The following SPTAN1 variants were observed in gnomAD, a reference collection of about 807,000 sequenced individuals.
SPTAN1 encodes spectrin alpha, non-erythrocytic 1, also known as spectrin alpha chain, non-erythrocytic 1.
A neutral mutation model predicts 331.3 loss-of-function variants in SPTAN1; 61 were observed. The observed-to-expected ratio is 0.18, with a 90% CI of 0.15 to 0.23. The LOEUF (loss-of-function observed/expected upper bound fraction) is 0.23. SPTAN1 is among the 10% of genes least tolerant of loss of function. The probability of loss-of-function intolerance (pLI) is 1.00; values close to 1 mark genes in which losing one functional copy is unlikely to be tolerated. For missense variants in SPTAN1, 2,043 were observed against 3,147.9 expected (o/e 0.65, Z 8.40); for synonymous variants, 1,153 against 1,173.9 (o/e 0.98, Z 0.36).
rs1176851202 is a variant in SPTAN1, at chr9:128,607,633, G to A, written c.4076G>A (p.Arg1359Gln). ...CTCATGTCTTGGATCAATGGAATAC[G>A]GGGGTTGGTGTCCTCAGATGAGCTA... ...RDLMSWINGI[R>Q]GLVSSDELAK... The change falls in exon 32 of 57, where the codon CGG (arginine) becomes CAG (glutamine). Residue 1359 changes from arginine to glutamine, a missense_variant. This residue lies in a region of SPTAN1 where 179 missense variants were observed against 215.7 expected (regional missense o/e 0.83). Transcript: ENST00000372739. 5.0e-6 allele frequency: 8 copies of A among 1,613,902 alleles called. No individual in the cohort carries two copies. In the Admixed American group the frequency reaches 5.0e-5, roughly 10 times the overall value.
In SPTAN1 at chr9:128,603,938, C is replaced by G. The variant is rs188698554; in HGVS notation, c.3627+348C>G. On this transcript the variant is annotated intron_variant, in intron 28 of 56. Coordinates refer to ENST00000372739, the MANE Select transcript of SPTAN1 (RefSeq NM_001130438.3). The stretch of plus-strand genomic sequence containing the variant: ...GGCGTGTCGGCTCTTCCCAGGCCTG[C>G]TCTGGCCTGAGAGTCTGCTGATTGG... 8.5e-5 allele frequency among the ~76,000 whole-genome samples: 13 copies of G among 152,364 alleles called. No individual in the cohort carries two copies. In the East Asian group the frequency reaches 1.9e-3, roughly 23 times the overall value.
intron 49 of SPTAN1, 50 bp downstream of exon 49, chr9:128,626,737 C>T: frequency 6.5e-7 from 1 of 1,549,316 alleles, no homozygotes; most frequent in Non-Finnish European, 8.7e-7. Context: ...AGAGCCCTCT[C>T]TGGGCCCTGC....
At chr9:128,623,659 A>G in intron 45 of SPTAN1, among the ~76,000 whole-genome samples, 1 of 143,500 alleles carries the variant, frequency 7.0e-6, no homozygotes, top group Admixed American at 7.1e-5. Flanking sequence ...TTTTTAGAAG[A>G]GACAGGGTTT....
Position 128,577,565 on chromosome 9 carries a change from A to T in SPTAN1, c.1085+59A>T. On this transcript the variant is annotated intron_variant, in intron 8 of 56. Coordinates refer to ENST00000372739, the MANE Select transcript of SPTAN1 (RefSeq NM_001130438.3). This position sits in a 1 kb window ranked among gnomAD's most constrained non-coding sequence, Gnocchi z 4.2. ...ATTTGGCTTCTTTTTTGGAAGCAGG[A>T]ATAGCAGAGTTAAGGGTCTGTTCTG... 1 of 1,606,930 alleles carries T rather than the reference A, an allele frequency of 6.2e-7. No homozygotes were observed. The highest frequency in any genetic ancestry group is 8.5e-7 in the Non-Finnish European group (1 of 1,176,482).
In SPTAN1 at chr9:128,584,105, A is replaced by G; in HGVS notation, c.2193+136A>G. On this transcript the variant is annotated intron_variant, in intron 16 of 56. Coordinates refer to ENST00000372739, the MANE Select transcript of SPTAN1 (RefSeq NM_001130438.3). ...ATTTTCTTAGATCGCTCTGTGCTGC[A>G]TGTGCTTCTGCTCAAATTAAATATC... 5.6e-6 allele frequency: 8 copies of G among 1,431,688 alleles called. No homozygotes were observed. The South Asian group carries it at 7.1e-5, about 13-fold the overall frequency. The allele number at this position is 1,431,688 out of a possible 1,614,324, so 88.7% of individuals were successfully genotyped here. A position where few individuals can be genotyped will look rare whatever the true frequency, so the allele number is the denominator to read the frequency against.
intron 22 of SPTAN1, among the ~76,000 whole-genome samples, chr9:128,592,235 C>T (rs1405923491): frequency 3.3e-5 from 5 of 150,926 alleles, no homozygotes; most frequent in Non-Finnish European, 5.9e-5. Flanking sequence ...TTTATAGATT[C>T]TGTTACTATA....
intron 39 of SPTAN1, 87 bp downstream of exon 39, chr9:128,612,333 A>C (rs1856660620): frequency 6.4e-7 from 1 of 1,562,188 alleles, no homozygotes. Context: ...AACCACGAAA[A>C]GGCAGGGCTC....
chr9:128,581,036 G>A lies in SPTAN1; in HGVS notation c.1438G>A (p.Asp480Asn). ...CTTCTACCGGGACACTGAGCAGGTG[G>A]ACAACTGGATGAGCAAGCAGGAGGT... ...QLFYRDTEQV[D>N]NWMSKQEAFL... The change falls in exon 11 of 57, where the codon GAC becomes AAC. Residue 480 changes from aspartate (D) to asparagine (N), a missense_variant. Around this residue, in one of 12 missense-constraint regions of SPTAN1, gnomAD observed 1,038 missense variants for 1,531.5 expected, o/e 0.68. Coordinates refer to ENST00000372739, the MANE Select transcript of SPTAN1 (RefSeq NM_001130438.3). The A allele has an allele frequency of 6.2e-7, 1 of 1,614,110 alleles. No individual in the cohort carries two copies. The highest frequency in any genetic ancestry group is 8.5e-7 in the Non-Finnish European group (1 of 1,180,030).
intron 45 of SPTAN1, 135 bp downstream of exon 45, chr9:128,621,391 A>G (rs1857831769): frequency 6.7e-6 from 5 of 741,710 alleles, no homozygotes; most frequent in African/African-American, 1.7e-5. Context: ...CAGCAATTCC[A>G]TTCCTGTGTT....
chr9:128,555,545 G>T, intron 1 of SPTAN1: 2 of 466,192 alleles, frequency 4.3e-6, no homozygotes, highest in Non-Finnish European at 6.4e-6. Context: ...AAACAAATTG[G>T]TTAGGATTTG....
At chr9:128,604,655 G>T (rs935349527) in intron 29 of SPTAN1, among the ~76,000 whole-genome samples, 4 of 152,234 alleles carry the variant, frequency 2.6e-5, no homozygotes, top group Non-Finnish European at 4.4e-5. Context: ...TTTTAGGCTG[G>T]GCGTGGTGGC....
At chr9:128,587,819 T>G in intron 20 of SPTAN1, 121 bp downstream of exon 20, 1 of 757,574 alleles carries the variant, frequency 1.3e-6, no homozygotes, top group Non-Finnish European at 2.3e-6. Context: ...GACACAAAGA[T>G]TTACAGAGTT....
Position 128,598,411 on chromosome 9 carries a change from C to T in SPTAN1, c.3426C>T (p.Ala1142=). 1.2e-6 allele frequency: 2 copies of T among 1,612,890 alleles called. No homozygotes were observed. Among genetic ancestry groups the T allele is most frequent in the East Asian group, 4.5e-5 (2 of 44,868 alleles). ...CTTTTGCTTTAAAGGACCTGAAGGC[C>T]AATGAGTCACGGTTGAAGGACATTA... ...KFDDFQKDLK[A]NESRLKDINK... is the part of the protein sequence containing the mutation. Residue 1142 remains alanine (A), a synonymous_variant, in exon 25 of 57, where the codon GCC becomes GCT. Coordinates refer to ENST00000372739, the MANE Select transcript of SPTAN1 (RefSeq NM_001130438.3).
At chr9:128,575,463 C>CA (rs1192061609) in intron 5 of SPTAN1, 118 bp downstream of exon 5, 1 of 1,152,796 alleles carries the variant, frequency 8.7e-7, no homozygotes. Context: ...TTTTTGTAAG[C>CA]ATGTCTGAGA....
intron 1 of SPTAN1, among the ~76,000 whole-genome samples, chr9:128,562,606 A>T (rs1197454694): frequency 6.6e-6 from 1 of 152,206 alleles, no homozygotes; most frequent in African/African-American, 2.4e-5. Context: ...AAATGTGATT[A>T]TAGTGATCCT....
Position 128,609,247 on chromosome 9 carries a change from C to A in SPTAN1, c.4721C>A (p.Ala1574Glu), listed in dbSNP as rs779393978. 6.2e-7 allele frequency: 1 copy of A among 1,614,048 alleles called. No homozygotes were observed. The highest frequency in any genetic ancestry group is 1.3e-5 in the African/African-American group (1 of 74,916). ...EAWISEKLQT[A>E]SDESYKDPTN... The stretch of plus-strand genomic sequence containing the variant: ...TGGATCAGTGAAAAATTGCAAACAG[C>A]GAGTGATGAGTCGTACAAGGATCCC... Residue 1574 changes from alanine to glutamate, a missense_variant, in exon 36 of 57, where the codon GCG (alanine) becomes GAG (glutamate). This residue lies in a region of SPTAN1 where 323 missense variants were observed against 581.1 expected (regional missense o/e 0.56). Coordinates refer to ENST00000372739, the MANE Select transcript of SPTAN1 (RefSeq NM_001130438.3).
At chr9:128,557,173 A>G (rs1197031246) in intron 1 of SPTAN1, among the ~76,000 whole-genome samples, 3 of 152,356 alleles carry the variant, frequency 2.0e-5, no homozygotes, top group Admixed American at 1.3e-4. Context: ...GTTAGTCCCT[A>G]AAAATCCCTT....
At chr9:128,603,715 T>G (rs1589291055) in intron 28 of SPTAN1, 125 bp downstream of exon 28, 1 of 1,172,526 alleles carries the variant, frequency 8.5e-7, no homozygotes, top group Non-Finnish European at 1.3e-6. Flanking sequence ...CTCTATTGGG[T>G]CCAAGCATGT....
Position 128,591,618 on chromosome 9 carries a change from G to A in SPTAN1, c.3148G>A (p.Asp1050Asn), listed in dbSNP as rs775811166. The A allele has an allele frequency of 6.2e-7, 1 of 1,614,068 alleles. No individual in the cohort carries two copies. Among genetic ancestry groups the A allele is most frequent in the South Asian group, 1.1e-5 (1 of 91,080 alleles). The change falls in exon 22 of 57, where the codon GAC becomes AAC. Residue 1050 changes from aspartate to asparagine, a missense_variant. Around this residue, in one of 12 missense-constraint regions of SPTAN1, gnomAD observed 1,038 missense variants for 1,531.5 expected, o/e 0.68. Transcript: ENST00000372739. ...CATAGCACTGCGGCAGGAGCAGATT[G>A]ACAATCAGTAAGGATGACACTGGGG... ...GSIALRQEQIDNQTRITKEAG... is the reference protein window; with the variant it reads ...GSIALRQEQINNQTRITKEAG...
Sources: gnomAD v4.1 joint callset for allele counts (sites outside exome capture counted in the v4.1 genomes callset) on GRCh38, gnomAD v4.1.1 for gene constraint, gnomAD v4.1.1 regional missense constraint, Gnocchi (gnomAD v3.1) non-coding constraint, MANE v1.5 for transcripts, NCBI Gene and HGNC (gene_info 2026-07-23, HGNC 2026-07-21) for gene names.